IP6K1: variants seen among roughly 807,000 people sequenced by gnomAD.
The protein encoded by IP6K1 is inositol hexakisphosphate kinase 1.
IP6K1 carries 13 observed loss-of-function variants against 38.3 expected under a neutral mutation model. The ratio of observed to expected loss-of-function variants is 0.34; its 90% confidence interval spans 0.22 to 0.54. The LOEUF (loss-of-function observed/expected upper bound fraction) is 0.54, where lower values mean the gene tolerates loss of function less well. Ranked by LOEUF, IP6K1 falls within the 20% of genes least tolerant of loss-of-function variation. IP6K1 has a pLI of 0.92. For missense variants in IP6K1, 397 were observed against 599.8 expected (o/e 0.66, Z 3.53); for synonymous variants, 212 against 229.9 (o/e 0.92, Z 0.70).
At chr3:49,775,408 G>T in intron 1 of IP6K1, 1 of 399,160 alleles carries the variant, frequency 2.5e-6, no homozygotes, top group Non-Finnish European at 4.8e-6. Context: ...CTGCACTCTG[G>T]TGTGCTATGT....
At chr3:49,758,696 C>A (rs1244668485) in intron 1 of IP6K1, 1 of 152,228 alleles carries the variant, frequency 6.6e-6, no homozygotes, top group African/African-American at 2.4e-5. Flanking sequence ...GGCGTAATGG[C>A]TCATGCCTGT....
chr3:49,771,200 A>C (rs1484516925), intron 1 of IP6K1, among the ~76,000 whole-genome samples: 10 of 149,936 alleles, frequency 6.7e-5, no homozygotes, highest in South Asian at 4.2e-4. Flanking sequence ...AAAAAAAAAA[A>C]AAAAAAAAAA....
At chr3:49,748,815 A>G (rs1006282713) in intron 1 of IP6K1, 6 of 152,314 alleles carry the variant, frequency 3.9e-5, no homozygotes, top group African/African-American at 1.2e-4. Context: ...TTTATTGTAC[A>G]TTGTATTTCT....
chr3:49,735,919 A>C (rs532619582), intron 3 of IP6K1, among the ~76,000 whole-genome samples: 79 of 152,242 alleles, frequency 5.2e-4, no homozygotes, highest in African/African-American at 1.3e-3. Context: ...ATCTTACTGA[A>C]ACCTTTTTTT....
At chr3:49,742,441 C>T (rs1020249493) in intron 2 of IP6K1, among the ~76,000 whole-genome samples, 1 of 151,538 alleles carries the variant, frequency 6.6e-6, no homozygotes, top group Non-Finnish European at 1.5e-5. Flanking sequence ...CCCAACTACT[C>T]GGGAGGCTGA....
intron 2 of IP6K1, among the ~76,000 whole-genome samples, chr3:49,743,239 A>C (rs879396169): frequency 0.15 from 7,881 of 53,938 alleles, 257 homozygotes; most frequent in African/African-American, 0.19. Context: ...ACAAAAACAA[A>C]ATACACACAC....
rs1227679376 is a variant in IP6K1 at position 49,786,481 on chromosome 3, G to C, written c.-256C>G. The C allele has an allele frequency of 1.3e-5, 2 of 152,348 alleles. No homozygotes were observed. The highest frequency in any genetic ancestry group is 2.4e-5 in the African/African-American group (1 of 41,460). The allele number at this position is 152,348 out of a possible 1,614,324, so 9.4% of individuals were successfully genotyped here. A position where few individuals can be genotyped will look rare whatever the true frequency, so the allele number is the denominator to read the frequency against. ...AGCACCGCTACAGCGGCCTCTCACC[G>C]GCCGCTTGGTCCAGCTCCCGGCGCT... On this transcript the variant is annotated 5_prime_UTR_variant, in exon 1 of 6. Coordinates refer to ENST00000321599, the MANE Select transcript of IP6K1 (RefSeq NM_153273.4).
chr3:49,784,783 A>G (rs1025480375), intron 1 of IP6K1, among the ~76,000 whole-genome samples: 5 of 151,874 alleles, frequency 3.3e-5, no homozygotes, highest in Non-Finnish European at 7.4e-5. Context: ...CGTCTCTACT[A>G]AAAATACAAA....
chr3:49,776,496 G>A (rs1310275005), intron 1 of IP6K1, among the ~76,000 whole-genome samples: 2 of 150,824 alleles, frequency 1.3e-5, no homozygotes, highest in Non-Finnish European at 2.9e-5. Flanking sequence ...TAGCCTGGGT[G>A]ACAGGGCAAG....
At chr3:49,756,141 A>G (rs747214933) in intron 1 of IP6K1, among the ~76,000 whole-genome samples, 14 of 152,204 alleles carry the variant, frequency 9.2e-5, no homozygotes, top group Non-Finnish European at 1.9e-4. Context: ...GAAGAGATGA[A>G]AGATTGTTTA....
At position 49,732,775 on chromosome 3, in the gene IP6K1, G is replaced by A. The variant is rs1309097737; in HGVS notation, c.616+16C>T. 1 of 1,602,108 alleles carries A rather than the reference G, an allele frequency of 6.2e-7. No homozygotes were observed. Among genetic ancestry groups the A allele is most frequent in the Non-Finnish European group, 8.5e-7 (1 of 1,171,626 alleles). ...GGACCCAGTAGACACTCCTGAAGGAGGGGCAACGAGGATACTGTAGAGCTT... is the reference window on the plus strand; with the variant it reads ...GGACCCAGTAGACACTCCTGAAGGAAGGGCAACGAGGATACTGTAGAGCTT... On this transcript the variant is annotated intron_variant, in intron 4 of 5. Coordinates refer to ENST00000321599, the MANE Select transcript of IP6K1 (RefSeq NM_153273.4).
chr3:49,762,217 G>A (rs550215395), intron 1 of IP6K1, among the ~76,000 whole-genome samples: 3 of 152,264 alleles, frequency 2.0e-5, no homozygotes, highest in Admixed American at 6.5e-5. Context: ...CTCCCAAAGT[G>A]CTGGGATTAC....
intron 4 of IP6K1, among the ~76,000 whole-genome samples, chr3:49,730,984 C>T (rs533138381): frequency 6.6e-6 from 1 of 152,128 alleles, no homozygotes; most frequent in East Asian, 1.9e-4. Flanking sequence ...GCTGGGATTA[C>T]AGGAATGAGC....
chr3:49,782,896 G>A (rs1229994702), intron 1 of IP6K1, among the ~76,000 whole-genome samples: 3 of 148,740 alleles, frequency 2.0e-5, no homozygotes, highest in African/African-American at 7.5e-5. Context: ...GATCACTTGA[G>A]GTCAGGAGTT....
In IP6K1 at chr3:49,726,776, GC is replaced by G. The variant is rs1369016141; in HGVS notation, c.*345del. 7.9e-6 allele frequency: 3 copies of G among 378,206 alleles called. No homozygotes were observed. Among genetic ancestry groups the G allele is most frequent in the African/African-American group, 6.2e-5 (3 of 48,114 alleles). 23.4% of individuals were successfully genotyped at this position (378,206 alleles called of 1,614,324 possible). A position where few individuals can be genotyped will look rare whatever the true frequency, so the allele number is the denominator to read the frequency against. On this transcript the variant is annotated 3_prime_UTR_variant, in exon 6 of 6. Transcript: ENST00000321599. ...AGGGCTTTACCTTACAATCAGCAGG[GC>G]CCTGCAGCCACAGATCTCAAAGATC... is the stretch of plus-strand genomic sequence containing the variant.
rs2080479686 is a variant in IP6K1 at position 49,724,637 on chromosome 3, A to C, written c.*2485T>G. 1 of 152,656 alleles carries C rather than the reference A, an allele frequency of 6.6e-6. No individual in the cohort carries two copies. The highest frequency in any genetic ancestry group is 2.4e-5 in the African/African-American group (1 of 41,476). The allele number at this position is 152,656 out of a possible 1,614,324, so 9.5% of individuals were successfully genotyped here. ...AAACATAACCAAATTGTACAGCTTT[A>C]AAGTTCAAAGCAGTCTGCATCTAGG... is the stretch of plus-strand genomic sequence containing the variant. On this transcript the variant is annotated 3_prime_UTR_variant, in exon 6 of 6. Coordinates refer to ENST00000321599, the MANE Select transcript of IP6K1 (RefSeq NM_153273.4).
intron 3 of IP6K1, among the ~76,000 whole-genome samples, chr3:49,737,827 G>A (rs2108228361): frequency 6.6e-6 from 1 of 152,338 alleles, no homozygotes; most frequent in East Asian, 1.9e-4. Context: ...CTCCTGGTTG[G>A]ACTCATAGCC....
chr3:49,754,107 C>T (rs932435090), intron 1 of IP6K1, among the ~76,000 whole-genome samples: 1 of 152,274 alleles, frequency 6.6e-6, no homozygotes, highest in South Asian at 2.1e-4. Context: ...GTAGTCATGC[C>T]TGTAATCCTA....
chr3:49,727,563 T>C lies in IP6K1; in HGVS notation c.885A>G (p.Gln295=), dbSNP rs756608295. 1.9e-6 allele frequency: 3 copies of C among 1,614,052 alleles called. No homozygotes were observed. Among genetic ancestry groups the C allele is most frequent in the East Asian group, 2.2e-5 (1 of 44,892 alleles). The change falls in exon 6 of 6, where the codon CAA becomes CAG. Residue 295 remains glutamine, a synonymous_variant. Transcript: ENST00000321599. The surrounding 1 kb of genome is among the most constrained non-coding windows in gnomAD (Gnocchi z 5.9). The stretch of plus-strand genomic sequence containing the variant: ...GCAGGTCCAGGCCATTGTGCAGATA[T>C]TGATAGAGGGCATTGCGGAAGCCTT... ...SIEGFRNALY[Q]YLHNGLDLRR...
Sources: allele counts gnomAD v4.1 joint callset (sites outside exome capture counted in the v4.1 genomes callset), GRCh38; gene constraint gnomAD v4.1.1; non-coding constraint Gnocchi (gnomAD v3.1); transcripts MANE v1.5; gene names NCBI Gene and HGNC (gene_info 2026-07-23, HGNC 2026-07-21).